Variants in TENM2 observed in about 807,000 individuals in gnomAD.
TENM2 encodes teneurin-2.
TENM2 carries 52 observed loss-of-function variants against 245.2 expected under a neutral mutation model. The observed-to-expected ratio is 0.21, with a 90% CI of 0.17 to 0.27. TENM2 has a LOEUF of 0.27. Ranked by LOEUF, TENM2 falls within the 10% of genes least tolerant of loss-of-function variation. The pLI, the probability that TENM2 is intolerant of heterozygous loss-of-function variation, is 1.00. For synonymous variants in TENM2, 1,363 were observed against 1,438.9 expected (o/e 0.95, Z 1.19); for missense variants, 3,046 against 3,666.8 (o/e 0.83, Z 4.37).
intron 1 of TENM2, among the ~76,000 whole-genome samples, chr5:167,350,765 T>TATATATGGGATATATACATACGG (rs1758825009): frequency 7.6e-6 from 1 of 132,398 alleles, no homozygotes; most frequent in Non-Finnish European, 1.6e-5. Context: ...TACATATGGA[T>TATATATGGGATATATACATACGG]ATATATATAT....
intron 19 of TENM2, among the ~76,000 whole-genome samples, chr5:168,210,390 T>C (rs1762696787): frequency 1.3e-5 from 2 of 152,178 alleles, no homozygotes; most frequent in African/African-American, 4.8e-5. Context: ...CCATCCAGTA[T>C]TTTTACAAAA....
the TENM2 span, among the ~76,000 whole-genome samples, chr5:167,253,109 T>C: frequency 6.6e-6 from 1 of 151,974 alleles, no homozygotes; most frequent in Non-Finnish European, 1.5e-5. Context: ...ATTATTATTT[T>C]TGAGACAGGG....
intron 2 of TENM2, among the ~76,000 whole-genome samples, chr5:167,774,757 T>C (rs1763642819): frequency 6.6e-6 from 1 of 152,154 alleles, no homozygotes; most frequent in Non-Finnish European, 1.5e-5. Context: ...CTGTGCATAA[T>C]GGTGGATGAG....
chr5:167,565,968 T>G (rs1021625418), intron 2 of TENM2, among the ~76,000 whole-genome samples: 76 of 152,268 alleles, frequency 5.0e-4, no homozygotes, highest in African/African-American at 1.8e-3. Flanking sequence ...TTAAGCCCCT[T>G]ATTATAGGGG....
chr5:168,038,811 G>A (rs1217629447), intron 5 of TENM2, among the ~76,000 whole-genome samples: 3 of 151,530 alleles, frequency 2.0e-5, no homozygotes, highest in Non-Finnish European at 4.4e-5. Context: ...CCAGTTTCAG[G>A]ATGGAGATCC....
chr5:167,461,924 T>A (rs895836404), intron 2 of TENM2, among the ~76,000 whole-genome samples: 1 of 152,158 alleles, frequency 6.6e-6, no homozygotes, highest in Non-Finnish European at 1.5e-5. Flanking sequence ...ACTAATTTAA[T>A]CTCAACAGAT....
intron 3 of TENM2, among the ~76,000 whole-genome samples, chr5:167,909,784 G>A (rs1282147690): frequency 6.6e-6 from 1 of 152,128 alleles, no homozygotes. Flanking sequence ...ATTTTGAAGA[G>A]AGAAACATAA....
intron 2 of TENM2, among the ~76,000 whole-genome samples, chr5:167,494,677 A>G (rs537748025): frequency 3.5e-4 from 54 of 152,252 alleles, no homozygotes; most frequent in African/African-American, 1.3e-3. Context: ...CAAGTGAAGT[A>G]AAAGTTTAAA....
At chr5:166,997,551 A>G in the TENM2 span, among the ~76,000 whole-genome samples, 1 of 152,236 alleles carries the variant, frequency 6.6e-6, no homozygotes, top group Non-Finnish European at 1.5e-5. Flanking sequence ...TGGATGTGAC[A>G]TAAATGGGTA....
At position 168,188,185 on chromosome 5, in the gene TENM2, C is replaced by T. The variant is rs144478395; in HGVS notation, c.2570-2152C>T. Among the ~76,000 whole-genome samples, 80 of 152,234 alleles carry T rather than the reference C, an allele frequency of 5.3e-4. 1 individual carries two copies. The highest frequency in any genetic ancestry group is 2.9e-3 in the East Asian group (15 of 5,192). ...TTTCATTTTCATTAGCGGAACCAAACGAAAAGGGTAATGCCAAAAAATTAC... is the reference window on the plus strand; with the variant it reads ...TTTCATTTTCATTAGCGGAACCAAATGAAAAGGGTAATGCCAAAAAATTAC... On this transcript the variant is annotated intron_variant, in intron 13 of 28. Transcript: ENST00000518659.
chr5:167,867,603 A>C (rs950518906), intron 2 of TENM2, among the ~76,000 whole-genome samples: 2 of 152,138 alleles, frequency 1.3e-5, no homozygotes, highest in African/African-American at 4.8e-5. Flanking sequence ...AGTGTGAGTG[A>C]AGAGGGCAAT....
chr5:167,204,135 A>G, the TENM2 span, among the ~76,000 whole-genome samples: 71 of 151,178 alleles, frequency 4.7e-4, 1 homozygote, highest in South Asian at 0.015. Context: ...TGCTGCTGTT[A>G]GAGATTATTA....
the TENM2 span, among the ~76,000 whole-genome samples, chr5:167,232,553 A>G: frequency 6.6e-6 from 1 of 151,844 alleles, no homozygotes; most frequent in Admixed American, 6.6e-5. Flanking sequence ...TTGTATTTTT[A>G]GTAGAGACAG....
intron 2 of TENM2, among the ~76,000 whole-genome samples, chr5:167,859,089 C>T (rs1421333151): frequency 2.1e-5 from 3 of 142,194 alleles, no homozygotes; most frequent in East Asian, 2.1e-4. Flanking sequence ...GGCCGCCCAT[C>T]GTCTGAGATG....
chr5:167,520,925 C>A (rs1033799789), intron 2 of TENM2, among the ~76,000 whole-genome samples: 3 of 135,268 alleles, frequency 2.2e-5, no homozygotes, highest in African/African-American at 7.8e-5. Context: ...TCCATTTATT[C>A]TTTTTCCTTT....
chr5:167,839,609 T>G (rs1161503772), intron 2 of TENM2, among the ~76,000 whole-genome samples: 1 of 152,012 alleles, frequency 6.6e-6, no homozygotes, highest in Non-Finnish European at 1.5e-5. Context: ...GAGACCAAAA[T>G]GTAAAGTGAA....
chr5:167,426,520 G>A (rs1763835481), intron 2 of TENM2, among the ~76,000 whole-genome samples: 1 of 140,324 alleles, frequency 7.1e-6, no homozygotes, highest in Non-Finnish European at 1.5e-5. Flanking sequence ...GACCAACCTG[G>A]GCAACATAGT....
chr5:168,152,640 A>G (rs1277238482), intron 12 of TENM2, among the ~76,000 whole-genome samples: 2 of 152,222 alleles, frequency 1.3e-5, no homozygotes, highest in Non-Finnish European at 2.9e-5. Context: ...TGTGGGAATA[A>G]GCTGCACAAG....
At chr5:167,625,347 A>G (rs968195384) in intron 2 of TENM2, among the ~76,000 whole-genome samples, 2 of 152,098 alleles carry the variant, frequency 1.3e-5, no homozygotes, top group East Asian at 1.9e-4. Context: ...CTCCCCTACT[A>G]TTCAGATTTT....
Sources: allele counts gnomAD v4.1 joint callset (sites outside exome capture counted in the v4.1 genomes callset), GRCh38; gene constraint gnomAD v4.1.1; transcripts MANE v1.5; gene names NCBI Gene and HGNC (gene_info 2026-07-23, HGNC 2026-07-21).